Variants in CDK13 observed in about 807,000 individuals in gnomAD.
CDK13 encodes the protein cyclin dependent kinase 13, also known as cyclin-dependent kinase 13.
In CDK13, 40 loss-of-function variants were observed where a neutral mutation model predicts 137.6. The ratio of observed to expected loss-of-function variants is 0.29; its 90% CI spans 0.23 to 0.38. The LOEUF is 0.38. CDK13 is among the 10% of genes least tolerant of loss of function. The probability of loss-of-function intolerance (pLI) is 1.00; values close to 1 mark genes in which losing one functional copy is unlikely to be tolerated. For missense variants in CDK13, 1,704 were observed against 1,951.8 expected, an observed-to-expected ratio of 0.87 and a Z score of 2.39; for synonymous variants, 869 against 760.1, an observed-to-expected ratio of 1.14 and a Z score of -2.36.
Position 39,951,538 on chromosome 7 carries a change from C to G in CDK13, c.897C>G (p.Ala299=). 6.5e-7 allele frequency: 1 copy of G among 1,537,298 alleles called. No homozygotes were observed. The highest frequency in any genetic ancestry group is 8.7e-7 in the Non-Finnish European group (1 of 1,144,280). ...CGGCCTACAAGGAACCGCCCAAGGC[C>G]TACCGGGAGGACAAGACCGAGCCTA... ...PPSAYKEPPK[A]YREDKTEPKA... The change falls in exon 1 of 14, where the codon GCC becomes GCG. Residue 299 remains alanine (A), a synonymous_variant. Transcript: ENST00000181839.
chr7:39,958,500 T>C (rs773406), intron 1 of CDK13, among the ~76,000 whole-genome samples: 151,260 of 152,298 alleles, frequency 0.99, 75,123 homozygotes, highest in East Asian at 1. Context: ...GATAAATATT[T>C]TTCTAGACTT....
chr7:39,970,734 T>C (rs1351873702), intron 1 of CDK13, among the ~76,000 whole-genome samples: 1 of 152,232 alleles, frequency 6.6e-6, no homozygotes, highest in African/African-American at 2.4e-5. Context: ...GTGCTGGGAT[T>C]ACAGGCATGA....
rs1240529096 is a variant in CDK13 at position 40,048,835 on chromosome 7, A to G, written c.2600+958A>G. On this transcript the variant is annotated intron_variant, in intron 7 of 13. Transcript: ENST00000181839. Reference sequence around the variant, plus strand: ...TAATTCTGGAAAGTATTTTCCTTATATAGTGTTCTAGAGTAGAGGTTTATA... The same window carrying G: ...TAATTCTGGAAAGTATTTTCCTTATGTAGTGTTCTAGAGTAGAGGTTTATA... 3.3e-5 allele frequency: 5 copies of G among 151,486 alleles called. No homozygotes were observed. In the East Asian group the frequency reaches 9.6e-4, roughly 29 times the overall value. The allele number at this position is 151,486 out of a possible 1,614,324, so 9.4% of individuals were successfully genotyped here.
At chr7:40,000,723 A>C (rs1436276451) in intron 4 of CDK13, among the ~76,000 whole-genome samples, 1 of 152,234 alleles carries the variant, frequency 6.6e-6, no homozygotes, top group Non-Finnish European at 1.5e-5. Flanking sequence ...AGTAAAACGG[A>C]CTCATACACA....
Position 39,960,800 on chromosome 7 carries a change from C to A in CDK13, c.1211+8948C>A, listed in dbSNP as rs1256009152. Among the ~76,000 whole-genome samples the A allele has an allele frequency of 2.0e-5, 3 of 151,490 alleles. No homozygotes were observed. In the East Asian group the frequency reaches 6.0e-4, roughly 30 times the overall value. ...ATGTTGGCCAGGCTGGTCTCGAACT[C>A]CTGACCTCAGGTGATCTGCCCACCT... On this transcript the variant is annotated intron_variant, in intron 1 of 13. Coordinates refer to ENST00000181839, the MANE Select transcript of CDK13 (RefSeq NM_003718.5).
chr7:40,009,178 A>T (rs900587677), intron 5 of CDK13, among the ~76,000 whole-genome samples: 1 of 152,248 alleles, frequency 6.6e-6, no homozygotes, highest in African/African-American at 2.4e-5. Context: ...TCACATCTGT[A>T]TGATTATTGA....
At chr7:39,972,489 G>A (rs1784020507) in intron 1 of CDK13, among the ~76,000 whole-genome samples, 1 of 152,192 alleles carries the variant, frequency 6.6e-6, no homozygotes, top group South Asian at 2.1e-4. Context: ...ACATTCCACA[G>A]TTTTGGCAAC....
intron 12 of CDK13, among the ~76,000 whole-genome samples, chr7:40,091,505 T>C (rs1010212498): frequency 6.6e-6 from 1 of 150,834 alleles, no homozygotes; most frequent in African/African-American, 2.4e-5. Flanking sequence ...AGAGCAAGAC[T>C]CTGTCTCAAA....
At chr7:40,089,717 A>AGTGTGT (rs1375627357) in intron 12 of CDK13, among the ~76,000 whole-genome samples, 2 of 142,978 alleles carry the variant, frequency 1.4e-5, no homozygotes, top group African/African-American at 5.7e-5. Flanking sequence ...AGAGAGAGAG[A>AGTGTGT]GAGAGAGTGT....
intron 5 of CDK13, among the ~76,000 whole-genome samples, chr7:40,032,346 T>C (rs1019076077): frequency 1.3e-5 from 2 of 152,168 alleles, no homozygotes; most frequent in Non-Finnish European, 2.9e-5. Flanking sequence ...GCTGGGATTA[T>C]AGGCATGAGC....
chr7:39,967,133 C>A (rs1490567798), intron 1 of CDK13, among the ~76,000 whole-genome samples: 1 of 151,860 alleles, frequency 6.6e-6, no homozygotes, highest in Non-Finnish European at 1.5e-5. Context: ...CAATTTACTT[C>A]TTTTTAAAGC....
chr7:40,015,338 TC>T (rs1411774251), intron 5 of CDK13, among the ~76,000 whole-genome samples: 2 of 152,142 alleles, frequency 1.3e-5, no homozygotes, highest in African/African-American at 4.8e-5. Context: ...TGTCACTATT[TC>T]CTGAACAGTG....
intron 9 of CDK13, chr7:40,067,405 A>T (rs1786304583): frequency 6.6e-6 from 1 of 152,170 alleles, no homozygotes; most frequent in Non-Finnish European, 1.5e-5. Context: ...TTAGCCGGGC[A>T]TGGTAGCACA....
At chr7:40,063,952 A>G (rs745638786) in intron 9 of CDK13, among the ~76,000 whole-genome samples, 3 of 151,978 alleles carry the variant, frequency 2.0e-5, no homozygotes, top group African/African-American at 7.2e-5. Flanking sequence ...GAGCCACCTC[A>G]TCCAGCCCGT....
chr7:40,022,737 T>G (rs1354001551), intron 5 of CDK13, among the ~76,000 whole-genome samples: 1 of 151,940 alleles, frequency 6.6e-6, no homozygotes, highest in African/African-American at 2.4e-5. Context: ...ATCGATACTG[T>G]ATGACTTGGG....
intron 5 of CDK13, 97 bp from the exon 6 acceptor site, chr7:40,045,739 A>C: frequency 1.3e-6 from 1 of 759,034 alleles, no homozygotes; most frequent in South Asian, 1.7e-5. Flanking sequence ...TTCAAGGATT[A>C]ATTCTTCCTC....
intron 4 of CDK13, among the ~76,000 whole-genome samples, chr7:40,001,220 T>C (rs1371057961): frequency 5.6e-5 from 4 of 71,826 alleles, no homozygotes; most frequent in African/African-American, 1.8e-4. Flanking sequence ...TCAGCATCTT[T>C]TTTTTTTTTT....
intron 5 of CDK13, among the ~76,000 whole-genome samples, chr7:40,030,096 T>G (rs891090801): frequency 6.6e-6 from 1 of 152,166 alleles, no homozygotes; most frequent in Non-Finnish European, 1.5e-5. Context: ...AAAGCACTAG[T>G]AGCATCTCTT....
At position 39,987,620 on chromosome 7, in the gene CDK13, C is replaced by T. The variant is rs1272633817; in HGVS notation, c.1233C>T (p.Ser411=). ...PVLRRSGKSR[S]RSPYSSRHSR... is the part of the protein sequence containing the mutation. ...CCAGACGGTCTGGAAAATCCCGAAG[C>T]AGAAGCCCGTATTCATCTAGGCATT... The change falls in exon 2 of 14, where the codon AGC becomes AGT. Residue 411 remains serine (S), a synonymous_variant. Coordinates refer to ENST00000181839, the MANE Select transcript of CDK13 (RefSeq NM_003718.5). 13 of 1,593,284 alleles carry T rather than the reference C, an allele frequency of 8.2e-6. No individual in the cohort carries two copies. Among genetic ancestry groups the T allele is most frequent in the Non-Finnish European group, 1.1e-5 (13 of 1,173,620 alleles).
Sources: gnomAD v4.1 joint callset for allele counts (sites outside exome capture counted in the v4.1 genomes callset) on GRCh38, gnomAD v4.1.1 for gene constraint, MANE v1.5 for transcripts, NCBI Gene and HGNC (gene_info 2026-07-23, HGNC 2026-07-21) for gene names.